INO80: variants seen among roughly 807,000 people sequenced by gnomAD.
INO80 encodes the protein INO80 complex ATPase subunit.
INO80 carries 20 observed loss-of-function variants against 203.4 expected under a neutral mutation model. The ratio of observed to expected loss-of-function variants is 0.10; its 90% CI spans 0.07 to 0.14. The LOEUF is 0.14. INO80 is among the 10% of genes least tolerant of loss of function. The probability of loss-of-function intolerance (pLI) is 1.00; values close to 1 mark genes in which losing one functional copy is unlikely to be tolerated. For missense variants in INO80, 1,419 were observed against 1,914.4 expected (o/e 0.74, Z 4.83); for synonymous variants, 726 against 685.2 (o/e 1.06, Z -0.93).
intron 2 of INO80, 79 bp downstream of exon 2, chr15:41,096,089 A>T: frequency 6.9e-7 from 1 of 1,458,852 alleles, no homozygotes; most frequent in Non-Finnish European, 9.2e-7. Context: ...ATCATAAGAT[A>T]CTTTAATCCT....
intron 24 of INO80, among the ~76,000 whole-genome samples, chr15:41,042,074 C>T (rs1420392296): frequency 6.7e-6 from 1 of 148,644 alleles, no homozygotes; most frequent in African/African-American, 2.5e-5. Context: ...AGTGCAGGTG[C>T]ATGATCTCAG....
intron 12 of INO80, 112 bp from the exon 13 acceptor site, chr15:41,070,659 G>C: frequency 1.2e-6 from 1 of 840,594 alleles, no homozygotes; most frequent in South Asian, 1.5e-5. Flanking sequence ...GAAGTGACCA[G>C]AGATACTCAG....
chr15:41,047,574 G>T, intron 22 of INO80, 73 bp from the exon 23 acceptor site: 1 of 1,045,250 alleles, frequency 9.6e-7, no homozygotes, highest in Non-Finnish European at 1.4e-6. Flanking sequence ...CTGCTCAACT[G>T]CTGAGTTTTG....
intron 14 of INO80, among the ~76,000 whole-genome samples, chr15:41,062,931 G>A (rs191126991): frequency 1.3e-5 from 2 of 152,212 alleles, no homozygotes; most frequent in African/African-American, 4.8e-5. Context: ...GCTAAGAGAG[G>A]GAGGGAGAGC....
At chr15:41,054,157 C>T (rs900258545) in intron 18 of INO80, 143 bp from the exon 19 acceptor site, 27 of 618,346 alleles carry the variant, frequency 4.4e-5, no homozygotes, top group African/African-American at 2.4e-4. Flanking sequence ...AAACTTTTTC[C>T]CAAGTAGGAA....
intron 26 of INO80, chr15:41,016,855 T>A (rs1383224320): frequency 1.3e-5 from 2 of 152,170 alleles, no homozygotes; most frequent in African/African-American, 4.8e-5. Context: ...CACACCCAGT[T>A]AATTTTGTTT....
chr15:41,061,473 A>G (rs1218141320), intron 14 of INO80, among the ~76,000 whole-genome samples: 1 of 148,508 alleles, frequency 6.7e-6, no homozygotes, highest in Non-Finnish European at 1.5e-5. Context: ...AAAAAAAAAA[A>G]TTAGCCAGGA....
intron 5 of INO80, 79 bp downstream of exon 5, chr15:41,091,948 A>T (rs900916834): frequency 5.0e-5 from 65 of 1,312,434 alleles, no homozygotes; most frequent in Non-Finnish European, 6.7e-5. Context: ...CACCACGCCC[A>T]GCCAAAATGA....
At position 41,005,042 on chromosome 15, in the gene INO80, A is replaced by C. The variant is rs2044017038; in HGVS notation, c.3497+551T>G. Reference sequence around the variant, plus strand: ...AAATCCTGTCCCTACTAAAAATACAAAAATTAGCTGGATGTGGTGGCGCAT... The same window carrying C: ...AAATCCTGTCCCTACTAAAAATACACAAATTAGCTGGATGTGGTGGCGCAT... On this transcript the variant is annotated intron_variant, in intron 28 of 35. Transcript: ENST00000648947. 3.3e-5 allele frequency among the ~76,000 whole-genome samples: 5 copies of C among 151,994 alleles called. No individual in the cohort carries two copies. In the South Asian group the frequency reaches 1.0e-3, roughly 32 times the overall value.
chr15:40,997,150 G>A (rs2043891142), intron 29 of INO80, among the ~76,000 whole-genome samples: 1 of 152,038 alleles, frequency 6.6e-6, no homozygotes, highest in South Asian at 2.1e-4. Context: ...GGTGGCGCAT[G>A]CCTATAGTCC....
intron 1 of INO80, among the ~76,000 whole-genome samples, chr15:41,099,081 C>G (rs189428711): frequency 2.0e-4 from 30 of 151,028 alleles, no homozygotes; most frequent in Admixed American, 1.1e-3. Flanking sequence ...CGTGTCCCTA[C>G]AAAAAATTTA....
chr15:40,979,050 G>C lies in INO80; in HGVS notation c.*1173C>G, dbSNP rs1181031774. 6.6e-6 allele frequency: 1 copy of C among 152,574 alleles called. No individual in the cohort carries two copies. The highest frequency in any genetic ancestry group is 1.5e-5 in the Non-Finnish European group (1 of 68,026). 9.5% of individuals were successfully genotyped at this position (152,574 alleles called of 1,614,324 possible). A position where few individuals can be genotyped will look rare whatever the true frequency, so the allele number is the denominator to read the frequency against. On this transcript the variant is annotated 3_prime_UTR_variant, in exon 36 of 36. Transcript: ENST00000648947. ...TCCCTCTAAATAGCATCTGTACACA[G>C]GAATCTGGGTTTGAGCAGGGGAATC... is the stretch of plus-strand genomic sequence containing the variant.
At position 40,980,432 on chromosome 15, in the gene INO80, C is replaced by T. The variant is rs57318611; in HGVS notation, c.4462G>A (p.Ala1488Thr). 6.1e-5 allele frequency: 99 copies of T among 1,612,674 alleles called. No homozygotes were observed. The African/African-American group carries it at 1.0e-3, about 16-fold the overall frequency. Residue 1488 changes from alanine to threonine, a missense_variant, in exon 36 of 36, where the codon GCC becomes ACC. Ala to Thr is a moderately conservative substitution (Grantham distance 58). Around this residue, in one of 9 missense-constraint regions of INO80, gnomAD observed 112 missense variants for 106.2 expected, o/e 1.05. Transcript: ENST00000648947. ...YGYNVSKGIS[A>T]SSPLQTSLVR... is the part of the protein sequence containing the mutation. The stretch of plus-strand genomic sequence containing the variant: ...AGGGATGTCTGCAGAGGACTGCTGG[C>T]GGAGATTCCTGTGGGGACGGAGAGA...
At chr15:41,111,818 C>T (rs1382643687) in intron 1 of INO80, among the ~76,000 whole-genome samples, 2 of 150,908 alleles carry the variant, frequency 1.3e-5, no homozygotes, top group East Asian at 3.9e-4. Context: ...AAAAAAAAAA[C>T]GTTTTTGCGG....
chr15:41,084,538 G>A (rs150655451), intron 7 of INO80, among the ~76,000 whole-genome samples: 4 of 152,050 alleles, frequency 2.6e-5, no homozygotes, highest in Admixed American at 6.6e-5. Flanking sequence ...CAGCCCAGGC[G>A]ACAGAGCAAG....
In INO80 at chr15:41,053,850, T is replaced by C; in HGVS notation, c.2274+79A>G. The stretch of plus-strand genomic sequence containing the variant: ...CCTTCAAGCAAACTTCAACTAAACA[T>C]ATATCAATAAATTTCTCCCCCTGGA... On this transcript the variant is annotated intron_variant, in intron 19 of 35. Transcript: ENST00000648947. 2.8e-6 allele frequency: 3 copies of C among 1,068,326 alleles called. No homozygotes were observed. In the South Asian group the frequency reaches 4.5e-5, roughly 16 times the overall value. 66.2% of individuals were successfully genotyped at this position (1,068,326 alleles called of 1,614,324 possible).
Position 41,074,471 on chromosome 15 carries a change from C to G in INO80, c.1226G>C (p.Gly409Ala). The change falls in exon 10 of 36, where the codon GGT becomes GCT. Residue 409 changes from glycine to alanine, a missense_variant. Gly to Ala is a moderately conservative substitution (Grantham distance 60). Around this residue, in one of 9 missense-constraint regions of INO80, gnomAD observed 116 missense variants for 119.5 expected, o/e 0.97. Coordinates refer to ENST00000648947, the MANE Select transcript of INO80 (RefSeq NM_017553.3). ...TTTCCTTAGGATTTCTTCCTGGATA[C>G]CATCATGACCCATATCTCGTTTGCG... ...MSRKRDMGHD[G>A]IQEEILRKLE... 1.2e-6 allele frequency: 2 copies of G among 1,613,762 alleles called. No homozygotes were observed. The highest frequency in any genetic ancestry group is 8.5e-7 in the Non-Finnish European group (1 of 1,179,750).
intron 7 of INO80, among the ~76,000 whole-genome samples, chr15:41,083,712 CAAAAAAA>C (rs10706037): frequency 1.2e-5 from 1 of 85,630 alleles, no homozygotes; most frequent in Non-Finnish European, 2.4e-5. Flanking sequence ...GACTCCGTCT[CAAAAAAA>C]AAAAAAAAAA....
chr15:41,105,947 G>A (rs1235458867), intron 1 of INO80, among the ~76,000 whole-genome samples: 2 of 152,028 alleles, frequency 1.3e-5, no homozygotes, highest in Admixed American at 6.6e-5. Context: ...TTCTTTTATT[G>A]GAGAATAATA....
Sources: gnomAD v4.1 joint callset for allele counts (sites outside exome capture counted in the v4.1 genomes callset) on GRCh38, gnomAD v4.1.1 for gene constraint, gnomAD v4.1.1 regional missense constraint, MANE v1.5 for transcripts, NCBI Gene and HGNC (gene_info 2026-07-23, HGNC 2026-07-21) for gene names.